RBFOX1: variants seen among roughly 807,000 people sequenced by gnomAD.
RBFOX1 encodes RNA binding protein fox-1 homolog 1.
In RBFOX1, 8 loss-of-function variants were observed where a neutral mutation model predicts 57.7. The observed-to-expected ratio is 0.14, with a 90% CI of 0.08 to 0.25. The LOEUF is 0.25. Among genes scored for constraint, RBFOX1 ranks in the 10% least tolerant of loss-of-function variants. The probability of loss-of-function intolerance (pLI) is 1.00; values close to 1 mark genes in which losing one functional copy is unlikely to be tolerated. For missense variants in RBFOX1, 611 were observed against 548.5 expected (o/e 1.11, Z -1.14); for synonymous variants, 326 against 222.4 (o/e 1.47, Z -4.15).
chr16:6,442,598 C>T (rs1163583545), intron 2 of RBFOX1, among the ~76,000 whole-genome samples: 1 of 151,928 alleles, frequency 6.6e-6, no homozygotes, highest in Admixed American at 6.6e-5. Context: ...TGTTCCTCTG[C>T]TGTCTTCCTT....
chr16:7,121,879 A>G (rs2067264230), intron 4 of RBFOX1, among the ~76,000 whole-genome samples: 1 of 152,024 alleles, frequency 6.6e-6, no homozygotes, highest in Admixed American at 6.6e-5. Flanking sequence ...AGACCCACAA[A>G]ATATACTTAA....
chr16:6,848,497 T>C (rs1393386634), intron 3 of RBFOX1, among the ~76,000 whole-genome samples: 2 of 152,094 alleles, frequency 1.3e-5, no homozygotes, highest in Admixed American at 6.5e-5. Context: ...CACTATTTGC[T>C]ATTTTCGACA....
intron 2 of RBFOX1, among the ~76,000 whole-genome samples, chr16:6,626,813 T>G (rs1266574227): frequency 6.6e-6 from 1 of 152,008 alleles, no homozygotes; most frequent in African/African-American, 2.4e-5. Context: ...TAGAATTCAG[T>G]TTATCACCAG....
At chr16:6,395,567 G>GA (rs1596546156) in intron 2 of RBFOX1, among the ~76,000 whole-genome samples, 1 of 136,456 alleles carries the variant, frequency 7.3e-6, no homozygotes, top group Non-Finnish European at 1.6e-5. Flanking sequence ...CTTTTTGTGT[G>GA]AAAAAACATA....
intron 3 of RBFOX1, among the ~76,000 whole-genome samples, chr16:6,732,060 G>A (rs1391833286): frequency 6.6e-6 from 1 of 152,134 alleles, no homozygotes. Context: ...TATGGCTTGA[G>A]ATCTATCCCT....
intron 1 of RBFOX1, among the ~76,000 whole-genome samples, chr16:5,267,882 G>A (rs761993975): frequency 6.6e-6 from 1 of 151,922 alleles, no homozygotes; most frequent in Non-Finnish European, 1.5e-5. Context: ...AGGAGTTTGA[G>A]CACAGCCTGG....
At chr16:7,292,541 C>CAA (rs1274979864) in intron 4 of RBFOX1, among the ~76,000 whole-genome samples, 1 of 144,956 alleles carries the variant, frequency 6.9e-6, no homozygotes, top group Non-Finnish European at 1.5e-5. Context: ...TACACACACA[C>CAA]ACACACACAC....
chr16:5,882,867 C>G (rs1175105679), intron 4 of RBFOX1, among the ~76,000 whole-genome samples: 1 of 152,194 alleles, frequency 6.6e-6, no homozygotes, highest in Non-Finnish European at 1.5e-5. Flanking sequence ...GCAAATGAAA[C>G]ACTGTCAAAG....
chr16:7,253,930 C>G (rs970057536), intron 4 of RBFOX1, among the ~76,000 whole-genome samples: 1 of 152,130 alleles, frequency 6.6e-6, no homozygotes, highest in Non-Finnish European at 1.5e-5. Context: ...TAGGAGCTCT[C>G]TTGTATCTAG....
At chr16:6,951,044 T>C (rs555542652) in intron 3 of RBFOX1, among the ~76,000 whole-genome samples, 2 of 152,208 alleles carry the variant, frequency 1.3e-5, no homozygotes, top group Non-Finnish European at 2.9e-5. Flanking sequence ...TAGGTGGGAC[T>C]ACAGGCACGT....
chr16:6,175,172 C>T lies in RBFOX1; in HGVS notation c.-126-141823C>T, dbSNP rs11861561. ...TGAGTCCGTGACTACAGCTTATATT[C>T]ATATTCATAAGCAAATAGCAAAGCA... is the stretch of plus-strand genomic sequence containing the variant. On this transcript the variant is annotated intron_variant, in intron 1 of 15. Coordinates refer to ENST00000550418, the MANE Select transcript of RBFOX1 (RefSeq NM_018723.4). Among the ~76,000 whole-genome samples, 743 of 152,198 alleles carry T rather than the reference C, an allele frequency of 4.9e-3. 3 individuals carry two copies. The highest frequency in any genetic ancestry group is 0.017 in the African/African-American group (710 of 41,524).
Position 7,300,313 on chromosome 16 carries a change from G to GA in RBFOX1, c.28-217832dup, listed in dbSNP as rs547017767. Among the ~76,000 whole-genome samples, 114 of 152,246 alleles carry GA rather than the reference G, an allele frequency of 7.5e-4. 4 individuals are homozygous for GA. In the South Asian group the frequency reaches 0.023, roughly 31 times the overall value. ...GACCTGGGGGCTAGAACAGTGCCTGGAATGAGATCAGCACTAACTAAATAT... is the reference window on the plus strand; with the variant it reads ...GACCTGGGGGCTAGAACAGTGCCTGGAAATGAGATCAGCACTAACTAAATAT... On this transcript the variant is annotated intron_variant, in intron 4 of 15. Transcript: ENST00000550418.
chr16:6,777,231 A>T (rs2079532586), intron 3 of RBFOX1, among the ~76,000 whole-genome samples: 1 of 152,178 alleles, frequency 6.6e-6, no homozygotes, highest in Admixed American at 6.5e-5. Context: ...ATGTGCTAAG[A>T]AAAGAGGATT....
At chr16:5,379,269 C>G (rs1292008460) in intron 1 of RBFOX1, among the ~76,000 whole-genome samples, 1 of 151,472 alleles carries the variant, frequency 6.6e-6, no homozygotes, top group Non-Finnish European at 1.5e-5. Context: ...ATTTTCAATT[C>G]ATTTTTAAAA....
chr16:7,149,065 T>C (rs2075609752), intron 4 of RBFOX1, among the ~76,000 whole-genome samples: 1 of 152,194 alleles, frequency 6.6e-6, no homozygotes, highest in African/African-American at 2.4e-5. Flanking sequence ...GTTCTTTTTT[T>C]CTAAAACATT....
intron 3 of RBFOX1, among the ~76,000 whole-genome samples, chr16:5,672,386 C>T (rs918007500): frequency 1.3e-5 from 2 of 152,142 alleles, no homozygotes; most frequent in African/African-American, 4.8e-5. Context: ...ACCATTTCTG[C>T]ACCTCTTCAG....
intron 4 of RBFOX1, among the ~76,000 whole-genome samples, chr16:7,280,213 T>A (rs2095514573): frequency 6.6e-6 from 1 of 152,220 alleles, no homozygotes; most frequent in Admixed American, 6.5e-5. Context: ...TCCTCATCCA[T>A]TCAGCCTTGC....
chr16:7,119,099 G>A (rs1057351659), intron 4 of RBFOX1, among the ~76,000 whole-genome samples: 10 of 152,210 alleles, frequency 6.6e-5, no homozygotes, highest in African/African-American at 2.2e-4. Flanking sequence ...AGCAACATGC[G>A]GAATCTAGGC....
At chr16:5,864,256 A>C (rs1397626930) in intron 3 of RBFOX1, among the ~76,000 whole-genome samples, 3 of 152,218 alleles carry the variant, frequency 2.0e-5, no homozygotes, top group Non-Finnish European at 4.4e-5. Context: ...ACAGCAGCAA[A>C]GACAAGGTCT....
Sources: gnomAD v4.1 joint callset for allele counts (sites outside exome capture counted in the v4.1 genomes callset) on GRCh38, gnomAD v4.1.1 for gene constraint, MANE v1.5 for transcripts, NCBI Gene and HGNC (gene_info 2026-07-23, HGNC 2026-07-21) for gene names.